NTM: variants seen among roughly 807,000 people sequenced by gnomAD.
NTM encodes neurotrimin.
In NTM, 13 loss-of-function variants were observed where a neutral mutation model predicts 42.1. That is an observed-to-expected ratio of 0.31 (90% CI 0.20 to 0.49). NTM has a LOEUF of 0.49. Ranked by LOEUF, NTM falls within the 20% of genes least tolerant of loss-of-function variation. The pLI is 0.99. For synonymous variants in NTM, 187 were observed against 179.2 expected, an observed-to-expected ratio of 1.04 and a Z score of -0.35; for missense variants, 373 against 452.8, an observed-to-expected ratio of 0.82 and a Z score of 1.60.
chr11:131,882,278 A>G (rs1367396400), intron 1 of NTM, among the ~76,000 whole-genome samples: 2 of 152,226 alleles, frequency 1.3e-5, no homozygotes, highest in Admixed American at 6.5e-5. Context: ...AAAATCTACA[A>G]GATGGGCCAA....
rs539248310 is a variant in NTM, at chr11:131,629,545, A to G, written c.82+258657A>G. Among the ~76,000 whole-genome samples, 4 of 152,318 alleles carry G rather than the reference A, an allele frequency of 2.6e-5. No individual in the cohort carries two copies. The East Asian group carries it at 7.7e-4, about 29-fold the overall frequency. On this transcript the variant is annotated intron_variant, in intron 1 of 8. Coordinates refer to ENST00000683400, the MANE Select transcript of NTM (RefSeq NM_001352005.2). Reference sequence around the variant, plus strand: ...ATAATTGGCTGGCTGGGGAGAATGGAACACTCTGTTGCCTCTTACTCACAC... The same window carrying G: ...ATAATTGGCTGGCTGGGGAGAATGGGACACTCTGTTGCCTCTTACTCACAC...
chr11:132,077,216 T>C (rs1448947288), intron 2 of NTM, among the ~76,000 whole-genome samples: 2 of 152,194 alleles, frequency 1.3e-5, no homozygotes, highest in East Asian at 3.9e-4. Flanking sequence ...TACAATTTGG[T>C]CTTGCATATT....
At chr11:131,394,476 T>G (rs1944339852) in intron 1 of NTM, among the ~76,000 whole-genome samples, 1 of 152,148 alleles carries the variant, frequency 6.6e-6, no homozygotes, top group Non-Finnish European at 1.5e-5. Flanking sequence ...GAGAGAAGAC[T>G]GAGTAGGGAC....
chr11:131,855,983 C>T (rs1292711660), intron 1 of NTM, among the ~76,000 whole-genome samples: 1 of 152,154 alleles, frequency 6.6e-6, no homozygotes, highest in Non-Finnish European at 1.5e-5. Flanking sequence ...ATCCCCACGC[C>T]TGAAGATGGT....
At chr11:131,380,918 A>G (rs990050924) in intron 1 of NTM, among the ~76,000 whole-genome samples, 1 of 152,198 alleles carries the variant, frequency 6.6e-6, no homozygotes, top group South Asian at 2.1e-4. Flanking sequence ...GATTCAACTC[A>G]TCTCTTCTTT....
chr11:131,794,621 T>C, intron 1 of NTM: 1 of 771,732 alleles, frequency 1.3e-6, no homozygotes, highest in Non-Finnish European at 1.5e-6. Flanking sequence ...GCTGGATGAG[T>C]GTTGAATGAA....
At position 131,968,060 on chromosome 11, in the gene NTM, G is replaced by A. The variant is rs369648639; in HGVS notation, c.167+56412G>A. On this transcript the variant is annotated intron_variant, in intron 2 of 8. Coordinates refer to ENST00000683400, the MANE Select transcript of NTM (RefSeq NM_001352005.2). ...TAAATGCGAAACCATGTGCCTACACGTGCTAGCTAGTGTTTTACCAACAAG... is the reference window on the plus strand; with the variant it reads ...TAAATGCGAAACCATGTGCCTACACATGCTAGCTAGTGTTTTACCAACAAG... Among the ~76,000 whole-genome samples, 161 of 152,268 alleles carry A rather than the reference G, an allele frequency of 1.1e-3. 1 individual carries two copies. Among genetic ancestry groups the A allele is most frequent in the African/African-American group, 3.5e-3 (144 of 41,544 alleles).
intron 2 of NTM, among the ~76,000 whole-genome samples, chr11:132,010,811 T>G (rs1464093684): frequency 6.6e-6 from 1 of 152,076 alleles, no homozygotes; most frequent in Non-Finnish European, 1.5e-5. Context: ...AAGGCACAGC[T>G]GTGTGCTATC....
intron 4 of NTM, among the ~76,000 whole-genome samples, chr11:132,226,161 G>T (rs550290121): frequency 6.6e-6 from 1 of 152,124 alleles, no homozygotes; most frequent in Non-Finnish European, 1.5e-5. Context: ...GAACAGTTCC[G>T]TAATAAACAT....
chr11:132,083,198 G>A (rs1320114907), intron 2 of NTM, among the ~76,000 whole-genome samples: 1 of 152,180 alleles, frequency 6.6e-6, no homozygotes, highest in East Asian at 1.9e-4. Context: ...AGCAGGATTA[G>A]TTTAAAATGT....
At chr11:131,716,034 T>C (rs1045156805) in intron 1 of NTM, among the ~76,000 whole-genome samples, 2 of 152,186 alleles carry the variant, frequency 1.3e-5, no homozygotes, top group African/African-American at 2.4e-5. Flanking sequence ...GAGCAGCTTG[T>C]AAACAACAGA....
chr11:131,924,938 G>A (rs1281249259), intron 2 of NTM, among the ~76,000 whole-genome samples: 6 of 152,156 alleles, frequency 3.9e-5, no homozygotes, highest in Non-Finnish European at 8.8e-5. Flanking sequence ...CAATTTCTTG[G>A]CAAGACTTTT....
chr11:132,288,308 GA>G (rs1036660168), intron 4 of NTM, among the ~76,000 whole-genome samples: 6 of 152,198 alleles, frequency 3.9e-5, no homozygotes, highest in Non-Finnish European at 7.3e-5. Context: ...AGAAGATTCA[GA>G]AGATTTACTT....
At chr11:132,208,616 G>T (rs1284212210) in intron 3 of NTM, among the ~76,000 whole-genome samples, 1 of 152,118 alleles carries the variant, frequency 6.6e-6, no homozygotes, top group Admixed American at 6.5e-5. Context: ...CTTCTGTCCT[G>T]CTTGGGGACT....
intron 1 of NTM, among the ~76,000 whole-genome samples, chr11:131,567,738 C>A (rs945539076): frequency 4.6e-5 from 7 of 152,210 alleles, no homozygotes; most frequent in African/African-American, 1.7e-4. Context: ...TAAAGTCCTG[C>A]GTCTTTCTTC....
intron 2 of NTM, among the ~76,000 whole-genome samples, chr11:132,141,476 G>T (rs970837289): frequency 6.6e-6 from 1 of 152,188 alleles, no homozygotes; most frequent in Non-Finnish European, 1.5e-5. Flanking sequence ...ACAGAGGGTT[G>T]CATTTTTAGA....
intron 1 of NTM, among the ~76,000 whole-genome samples, chr11:131,763,434 C>T (rs1313272513): frequency 6.6e-6 from 1 of 152,178 alleles, no homozygotes; most frequent in Non-Finnish European, 1.5e-5. Context: ...AGTTATATAA[C>T]ACTTAGCCAA....
chr11:132,311,035 G>A (rs1222853682), intron 6 of NTM, among the ~76,000 whole-genome samples: 1 of 152,154 alleles, frequency 6.6e-6, no homozygotes, highest in Non-Finnish European at 1.5e-5. Flanking sequence ...GTCCTGAGGT[G>A]TATGTGGGGT....
chr11:132,227,099 G>A (rs545128797), intron 4 of NTM, among the ~76,000 whole-genome samples: 6 of 152,288 alleles, frequency 3.9e-5, no homozygotes, highest in East Asian at 3.9e-4. Context: ...CACATGCAGC[G>A]TGAAGGCAGA....
Sources: gnomAD v4.1 joint callset for allele counts (sites outside exome capture counted in the v4.1 genomes callset) on GRCh38, gnomAD v4.1.1 for gene constraint, MANE v1.5 for transcripts, NCBI Gene and HGNC (gene_info 2026-07-23, HGNC 2026-07-21) for gene names.